Variants in SPTAN1 observed in about 807,000 individuals in gnomAD.
The protein encoded by SPTAN1 is spectrin alpha chain, non-erythrocytic 1.
In SPTAN1, 61 loss-of-function variants were observed where a neutral mutation model predicts 331.3. The observed-to-expected ratio is 0.18, with a 90% CI of 0.15 to 0.23. The LOEUF (loss-of-function observed/expected upper bound fraction) is 0.23, where lower values mean the gene tolerates loss of function less well. Among genes scored for constraint, SPTAN1 ranks in the 10% least tolerant of loss-of-function variants. SPTAN1 has a pLI of 1.00. For synonymous variants in SPTAN1, 1,153 were observed against 1,173.9 expected, an observed-to-expected ratio of 0.98 and a Z score of 0.36; for missense variants, 2,043 against 3,147.9, an observed-to-expected ratio of 0.65 and a Z score of 8.40.
In SPTAN1 at chr9:128,582,782, G is replaced by C. The variant is rs778485732; in HGVS notation, c.1739G>C (p.Arg580Pro). 8.1e-6 allele frequency: 13 copies of C among 1,613,994 alleles called. No homozygotes were observed. Among genetic ancestry groups the C allele is most frequent in the Non-Finnish European group, 7.6e-6 (9 of 1,180,044 alleles). ...ADSFHLQQFF[R>P]DSDELKSWVN... ...TCTTTCCATCTGCAGCAGTTTTTCC[G>C]TGATTCTGATGAGCTCAAGAGTTGG... Residue 580 changes from arginine to proline, a missense_variant, in exon 14 of 57, where the codon CGT becomes CCT. Arg to Pro is a moderately radical substitution (Grantham distance 103, BLOSUM62 -2). Transcript: ENST00000372739.
At chr9:128,620,410 A>C (rs1008578050) in intron 44 of SPTAN1, among the ~76,000 whole-genome samples, 2 of 152,126 alleles carry the variant, frequency 1.3e-5, no homozygotes, top group Non-Finnish European at 2.9e-5. Flanking sequence ...TGCAGTGCTT[A>C]AATTGTACTA....
At chr9:128,617,393 C>T (rs1049355598) in intron 41 of SPTAN1, among the ~76,000 whole-genome samples, 1 of 152,068 alleles carries the variant, frequency 6.6e-6, no homozygotes, top group Non-Finnish European at 1.5e-5. Context: ...TGATGCCTCC[C>T]ATCCTCCAGT....
intron 3 of SPTAN1, among the ~76,000 whole-genome samples, chr9:128,571,697 G>GT (rs1262033734): frequency 1.3e-5 from 2 of 152,202 alleles, no homozygotes; most frequent in African/African-American, 2.4e-5. Flanking sequence ...GATCTTCACA[G>GT]TAAGTGTGCA....
intron 39 of SPTAN1, among the ~76,000 whole-genome samples, chr9:128,612,847 C>T (rs1856722136): frequency 6.6e-6 from 1 of 152,076 alleles, no homozygotes; most frequent in African/African-American, 2.4e-5. Flanking sequence ...ATCGCTTGAA[C>T]CTGGGAGGTG....
chr9:128,554,742 CGGA>C (rs916735510), intron 1 of SPTAN1, among the ~76,000 whole-genome samples: 4 of 152,172 alleles, frequency 2.6e-5, no homozygotes, highest in African/African-American at 7.2e-5. Flanking sequence ...TCCAGGAATG[CGGA>C]GGAGGAGGAG....
At chr9:128,623,765 C>T (rs1347024636) in intron 45 of SPTAN1, among the ~76,000 whole-genome samples, 4 of 151,746 alleles carry the variant, frequency 2.6e-5, no homozygotes, top group East Asian at 3.9e-4. Context: ...TTAGCCACTG[C>T]GCCTGGCCCA....
chr9:128,633,051 G>A (rs1383899312), intron 56 of SPTAN1, 96 bp downstream of exon 56: 1 of 1,594,092 alleles, frequency 6.3e-7, no homozygotes, highest in Non-Finnish European at 8.5e-7. Context: ...CCCTGCGCTG[G>A]GTATTCTCCC....
intron 1 of SPTAN1, among the ~76,000 whole-genome samples, chr9:128,560,236 G>A (rs530884909): frequency 9.9e-5 from 15 of 151,264 alleles, no homozygotes; most frequent in African/African-American, 2.9e-4. Flanking sequence ...GGCGCACGCC[G>A]CCACACCTGG....
At chr9:128,605,890 G>C (rs941393272) in intron 31 of SPTAN1, among the ~76,000 whole-genome samples, 2 of 152,004 alleles carry the variant, frequency 1.3e-5, no homozygotes, top group Non-Finnish European at 2.9e-5. Context: ...TACTCAGGAG[G>C]CTGAGGCAGG....
In SPTAN1 at chr9:128,584,852, T is replaced by C. The variant is rs771159949; in HGVS notation, c.2560+9T>C. The C allele has an allele frequency of 1.2e-6, 2 of 1,614,146 alleles. No individual in the cohort carries two copies. Among genetic ancestry groups the C allele is most frequent in the Non-Finnish European group, 1.7e-6 (2 of 1,180,010 alleles). Reference sequence around the variant, plus strand: ...TGCCATGGTGGAGGAAGGTGAGTGATTGGTATCAGTGACATGGCTTGGTGC... The same window carrying C: ...TGCCATGGTGGAGGAAGGTGAGTGACTGGTATCAGTGACATGGCTTGGTGC... On this transcript the variant is annotated intron_variant, in intron 18 of 56. Transcript: ENST00000372739.
chr9:128,603,430 C>A (rs1396524335), intron 27 of SPTAN1, 113 bp from the exon 28 acceptor site: 1 of 1,076,746 alleles, frequency 9.3e-7, no homozygotes, highest in Non-Finnish European at 1.4e-6. Flanking sequence ...TGACAGTATC[C>A]CTTTAAGGTA....
intron 2 of SPTAN1, among the ~76,000 whole-genome samples, chr9:128,568,561 G>A (rs1284420070): frequency 6.6e-6 from 1 of 152,146 alleles, no homozygotes; most frequent in Non-Finnish European, 1.5e-5. Context: ...ACCATTGATG[G>A]CCCTCGCTGG....
Position 128,581,870 on chromosome 9 carries a change from G to T in SPTAN1, c.1550G>T (p.Ser517Ile), listed in dbSNP as rs755356541. The change falls in exon 12 of 57, where the codon AGT becomes ATT. Residue 517 changes from serine (S) to isoleucine (I), a missense_variant. Ser to Ile is a moderately radical substitution (Grantham distance 142). Transcript: ENST00000372739. The part of the protein sequence containing the change: ...KKHEDFEKSL[S>I]AQEEKITALD... The stretch of plus-strand genomic sequence containing the variant: ...CACGAAGACTTTGAGAAATCCCTTA[G>T]TGCCCAGGAGGAAAAGATTACAGTA... 3 of 1,613,636 alleles carry T rather than the reference G, an allele frequency of 1.9e-6. No individual in the cohort carries two copies. The East Asian group carries it at 6.7e-5, about 36-fold the overall frequency.
intron 15 of SPTAN1, 46 bp downstream of exon 15, chr9:128,583,327 A>G: frequency 6.3e-7 from 1 of 1,577,718 alleles, no homozygotes; most frequent in Non-Finnish European, 8.7e-7. Flanking sequence ...TTGGGGAACT[A>G]AATACCCCTT....
intron 2 of SPTAN1, 121 bp from the exon 3 acceptor site, chr9:128,568,651 A>G (rs1850310369): frequency 1.5e-6 from 2 of 1,375,396 alleles, no homozygotes; most frequent in African/African-American, 1.4e-5. Context: ...CAAGGTGCCA[A>G]ATGATGTATC....
intron 10 of SPTAN1, among the ~76,000 whole-genome samples, chr9:128,579,956 T>G (rs908637463): frequency 4.6e-5 from 7 of 152,218 alleles, no homozygotes; most frequent in Non-Finnish European, 7.3e-5. Flanking sequence ...GCATGTTTCC[T>G]ACTTACAGGG....
Position 128,583,215 on chromosome 9 carries a change from G to C in SPTAN1, c.1945G>C (p.Val649Leu). Residue 649 changes from valine (V) to leucine (L), a missense_variant, in exon 15 of 57, where the codon GTG becomes CTG. Transcript: ENST00000372739. ...IDVNHYAKDE[V>L]AARMNEVISL... ...TGTCAACCACTATGCCAAGGATGAA[G>C]TGGCAGCTCGTATGAATGAGGTGAT... The C allele has an allele frequency of 6.2e-7, 1 of 1,614,080 alleles. No individual in the cohort carries two copies. The highest frequency in any genetic ancestry group is 8.5e-7 in the Non-Finnish European group (1 of 1,180,038).
At chr9:128,584,639 C>T in intron 17 of SPTAN1, 82 bp from the exon 18 acceptor site, 2 of 1,614,000 alleles carry the variant, frequency 1.2e-6, no homozygotes, top group Admixed American at 1.7e-5. Flanking sequence ...GAACTGGAAC[C>T]ATGGTGGTAG....
Position 128,577,115 on chromosome 9 carries a change from C to A in SPTAN1, c.786-14C>A. On this transcript the variant is annotated splice_polypyrimidine_tract_variant and intron_variant, in intron 6 of 56. Coordinates refer to ENST00000372739, the MANE Select transcript of SPTAN1 (RefSeq NM_001130438.3). The surrounding 1 kb of genome is among the most constrained non-coding windows in gnomAD (Gnocchi z 4.2). ...CATCATTGCTGTGGATTAACTGGTG[C>A]CTTTGTTCTGTAGGGATGTGGATGA... 1 of 1,614,004 alleles carries A rather than the reference C, an allele frequency of 6.2e-7. No individual in the cohort carries two copies. Among genetic ancestry groups the A allele is most frequent in the Non-Finnish European group, 8.5e-7 (1 of 1,180,006 alleles).
Sources: allele counts gnomAD v4.1 joint callset (sites outside exome capture counted in the v4.1 genomes callset), GRCh38; gene constraint gnomAD v4.1.1; non-coding constraint Gnocchi (gnomAD v3.1); transcripts MANE v1.5; gene names NCBI Gene and HGNC (gene_info 2026-07-23, HGNC 2026-07-21).